Variants in BBS9 observed in about 807,000 individuals in gnomAD.
BBS9 encodes protein PTHB1.
BBS9 carries 89 observed loss-of-function variants against 117.7 expected under a neutral mutation model. The observed-to-expected ratio is 0.76, with a 90% confidence interval of 0.64 to 0.90. BBS9 has a LOEUF of 0.90. Among genes scored for constraint, BBS9 ranks in the 40% least tolerant of loss-of-function variants. The pLI is 0.00. For synonymous variants in BBS9, 379 were observed against 370.9 expected (o/e 1.02, Z -0.25); for missense variants, 982 against 1,042.2 (o/e 0.94, Z 0.80).
chr7:33,145,719 C>T (rs1315000738), intron 1 of BBS9, among the ~76,000 whole-genome samples: 2 of 152,110 alleles, frequency 1.3e-5, no homozygotes, highest in African/African-American at 4.8e-5. Context: ...AGATTGAAAC[C>T]TGTGGATATG....
chr7:33,565,402 CTG>C (rs1419030591), intron 21 of BBS9, among the ~76,000 whole-genome samples: 2 of 152,054 alleles, frequency 1.3e-5, no homozygotes, highest in African/African-American at 2.4e-5. Context: ...TAGGTGGTAA[CTG>C]TGTACTGGCT....
intron 21 of BBS9, among the ~76,000 whole-genome samples, chr7:33,590,463 T>TG (rs1861702944): frequency 2.0e-5 from 3 of 146,920 alleles, no homozygotes; most frequent in South Asian, 4.2e-4. Context: ...TTTTTTGTTT[T>TG]TTTTTTTTTT....
intron 21 of BBS9, among the ~76,000 whole-genome samples, chr7:33,558,525 C>T (rs778171698): frequency 2.0e-5 from 3 of 151,944 alleles, no homozygotes; most frequent in South Asian, 2.1e-4. Context: ...TGTGAGATGG[C>T]GTTTGTAAGG....
At chr7:33,530,864 A>T (rs534338736) in intron 20 of BBS9, among the ~76,000 whole-genome samples, 1 of 152,308 alleles carries the variant, frequency 6.6e-6, no homozygotes, top group South Asian at 2.1e-4. Flanking sequence ...ATGGGCCAAT[A>T]GAGTGAAAAG....
chr7:33,373,158 TTCTC>T (rs374756130), intron 17 of BBS9, among the ~76,000 whole-genome samples: 3 of 152,126 alleles, frequency 2.0e-5, no homozygotes, highest in African/African-American at 4.8e-5. Flanking sequence ...CACTCTCTCT[TTCTC>T]TCTCCCTCTC....
At chr7:33,363,734 G>A (rs1217639194) in intron 16 of BBS9, among the ~76,000 whole-genome samples, 1 of 150,290 alleles carries the variant, frequency 6.7e-6, no homozygotes, top group Non-Finnish European at 1.5e-5. Flanking sequence ...CTATTCCTAG[G>A]TCGCTGAGAC....
At chr7:33,585,029 T>C (rs1273903708) in intron 21 of BBS9, among the ~76,000 whole-genome samples, 2 of 152,160 alleles carry the variant, frequency 1.3e-5, no homozygotes, top group African/African-American at 2.4e-5. Flanking sequence ...GTAAAGGCTT[T>C]ATTTTCCACT....
At chr7:33,274,309 G>A (rs538952609) in intron 9 of BBS9, among the ~76,000 whole-genome samples, 93 of 152,272 alleles carry the variant, frequency 6.1e-4, no homozygotes, top group Non-Finnish European at 9.1e-4. Context: ...TTGATAGACT[G>A]TGACGATATT....
intron 20 of BBS9, among the ~76,000 whole-genome samples, chr7:33,530,970 CA>C (rs1214097427): frequency 6.6e-6 from 1 of 152,112 alleles, no homozygotes; most frequent in Non-Finnish European, 1.5e-5. Context: ...CAGGGCCAGA[CA>C]TGGTGGCTCA....
intron 17 of BBS9, among the ~76,000 whole-genome samples, chr7:33,370,746 T>C (rs1318763448): frequency 6.6e-6 from 1 of 152,222 alleles, no homozygotes; most frequent in Non-Finnish European, 1.5e-5. Context: ...TATTACCATA[T>C]ACAACAAACA....
At chr7:33,142,617 A>G (rs548688001) in intron 1 of BBS9, among the ~76,000 whole-genome samples, 2 of 152,312 alleles carry the variant, frequency 1.3e-5, no homozygotes, top group South Asian at 4.1e-4. Context: ...GCCCCTGACA[A>G]TCACCATTCT....
intron 20 of BBS9, among the ~76,000 whole-genome samples, chr7:33,532,028 G>T (rs960497971): frequency 2.6e-5 from 4 of 152,228 alleles, no homozygotes; most frequent in African/African-American, 9.6e-5. Flanking sequence ...GAGAACTCCA[G>T]TCACTCTCAG....
At chr7:33,608,657 G>T (rs1372194548), downstream of BBS9, among the ~76,000 whole-genome samples, 1 of 151,780 alleles carries the variant, frequency 6.6e-6, no homozygotes, top group Non-Finnish European at 1.5e-5. Context: ...TTTCATGTTT[G>T]TTGAATGCTT....
chr7:33,360,500 A>C (rs1434232211), intron 16 of BBS9, among the ~76,000 whole-genome samples: 1 of 148,642 alleles, frequency 6.7e-6, no homozygotes, highest in Non-Finnish European at 1.5e-5. Flanking sequence ...GGCACCCCAG[A>C]AAAGTGAATT....
chr7:33,345,664 A>G (rs1264581356), intron 12 of BBS9, among the ~76,000 whole-genome samples: 1 of 152,240 alleles, frequency 6.6e-6, no homozygotes, highest in Non-Finnish European at 1.5e-5. Flanking sequence ...TATCTCATTA[A>G]TACTTCCGAA....
At chr7:33,395,518 T>C (rs1403867481) in intron 19 of BBS9, among the ~76,000 whole-genome samples, 1 of 152,068 alleles carries the variant, frequency 6.6e-6, no homozygotes, top group Non-Finnish European at 1.5e-5. Flanking sequence ...AGAGGGAAAA[T>C]GTTTACTGAT....
intron 5 of BBS9, among the ~76,000 whole-genome samples, chr7:33,213,515 C>T (rs1052403590): frequency 1.3e-5 from 2 of 152,176 alleles, no homozygotes; most frequent in Admixed American, 6.5e-5. Context: ...AAGGCAAAGT[C>T]TCTTTTACTT....
chr7:33,522,001 G>GT (rs1306711421), intron 20 of BBS9, among the ~76,000 whole-genome samples: 1 of 149,186 alleles, frequency 6.7e-6, no homozygotes, highest in African/African-American at 2.5e-5. Flanking sequence ...GCGGTGTTTG[G>GT]TTTTTTGTTC....
intron 21 of BBS9, chr7:33,534,452 T>C (rs1851061403): frequency 2.0e-6 from 1 of 497,430 alleles, no homozygotes; most frequent in African/African-American, 1.9e-5. Flanking sequence ...TAATAAAAAG[T>C]GGATTAGAAG....
Sources: allele counts gnomAD v4.1 joint callset (sites outside exome capture counted in the v4.1 genomes callset), GRCh38; gene constraint gnomAD v4.1.1; transcripts MANE v1.5; gene names NCBI Gene and HGNC (gene_info 2026-07-23, HGNC 2026-07-21).